The following GTSF1 variants were observed in gnomAD, a reference collection of about 807,000 sequenced individuals.
The protein encoded by GTSF1 is gametocyte-specific factor 1.
Under a neutral mutation model 28.9 loss-of-function variants are expected in GTSF1, and 11 were observed. That is an observed-to-expected ratio of 0.38 (90% confidence interval 0.24 to 0.63). The LOEUF (loss-of-function observed/expected upper bound fraction) is 0.63. GTSF1 is among the 30% of genes least tolerant of loss of function. The probability of loss-of-function intolerance (pLI) is 0.56; values close to 1 mark genes in which losing one functional copy is unlikely to be tolerated. For missense variants in GTSF1, 146 were observed against 201.0 expected (o/e 0.73, Z 1.66); for synonymous variants, 69 against 65.6 (o/e 1.05, Z -0.25).
chr12:54,465,118 G>A lies in GTSF1; in HGVS notation c.66C>T (p.Asn22=). 6.2e-7 allele frequency: 1 copy of A among 1,613,564 alleles called. No individual in the cohort carries two copies. Among genetic ancestry groups the A allele is most frequent in the African/African-American group, 1.3e-5 (1 of 75,020 alleles). Reference sequence around the variant, plus strand: ...GAAACCTGCAAGCCCTGATTTGATGGTTTTTGTCATAGGGGCATTGCAATA... The same window carrying A: ...GAAACCTGCAAGCCCTGATTTGATGATTTTTGTCATAGGGGCATTGCAATA... ...EKLLQCPYDK[N]HQIRACRFPY... is the part of the protein sequence containing the mutation. The change falls in exon 3 of 9, where the codon AAC becomes AAT. Residue 22 remains asparagine, a synonymous_variant. Coordinates refer to ENST00000305879, the MANE Select transcript of GTSF1 (RefSeq NM_144594.3).
intron 3 of GTSF1, 51 bp from the exon 4 acceptor site, chr12:54,463,348 C>A: frequency 1.3e-6 from 2 of 1,591,296 alleles, no homozygotes; most frequent in South Asian, 2.2e-5. Flanking sequence ...CTACTAAAGT[C>A]AACAGGGAGT....
At chr12:54,458,186 C>T (rs1031549112) in intron 8 of GTSF1, among the ~76,000 whole-genome samples, 4 of 152,086 alleles carry the variant, frequency 2.6e-5, no homozygotes, top group South Asian at 4.1e-4. Context: ...TCAGCCAAGA[C>T]GACATTTGAA....
intron 7 of GTSF1, chr12:54,459,494 A>T: frequency 7.9e-7 from 1 of 1,268,368 alleles, no homozygotes; most frequent in Non-Finnish European, 1.0e-6. Flanking sequence ...ATTAAGTAAA[A>T]ATGACAGTAT....
intron 2 of GTSF1, chr12:54,468,677 A>C (rs1237654869): frequency 6.6e-6 from 1 of 152,220 alleles, no homozygotes. Context: ...GAAATAAGGA[A>C]CTAGGCCTGA....
rs190444643 is a variant in GTSF1 at position 54,464,769 on chromosome 12, G to C, written c.117+298C>G. 303 of 183,934 alleles carry C rather than the reference G, an allele frequency of 1.6e-3. 6 individuals are homozygous for C. In the East Asian group the frequency reaches 0.025, roughly 15 times the overall value. 11.4% of individuals were successfully genotyped at this position (183,934 alleles called of 1,614,324 possible). A position where few individuals can be genotyped will look rare whatever the true frequency, so the allele number is the denominator to read the frequency against. On this transcript the variant is annotated intron_variant, in intron 3 of 8. Transcript: ENST00000305879. Reference sequence around the variant, plus strand: ...ATGAATACATCAAATTTAGAAGATAGGCAGGATTTCTCATTGTTAGCCAAA... The same window carrying C: ...ATGAATACATCAAATTTAGAAGATACGCAGGATTTCTCATTGTTAGCCAAA...
At position 54,463,868 on chromosome 12, in the gene GTSF1, T is replaced by C. The variant is rs146528411; in HGVS notation, c.118-571A>G. On this transcript the variant is annotated intron_variant, in intron 3 of 8. Transcript: ENST00000305879. ...TGCCTGAAATGAATCTCTGAACAAT[T>C]TGACCTTCATTTCAGCTATTTCACT... is the stretch of plus-strand genomic sequence containing the variant. 1.1e-3 allele frequency among the ~76,000 whole-genome samples: 166 copies of C among 152,330 alleles called. 1 individual carries two copies. Among genetic ancestry groups the C allele is most frequent in the Non-Finnish European group, 1.8e-3 (121 of 68,018 alleles).
intron 2 of GTSF1, among the ~76,000 whole-genome samples, chr12:54,466,170 T>G (rs543242047): frequency 6.6e-6 from 1 of 152,302 alleles, no homozygotes; most frequent in South Asian, 2.1e-4. Flanking sequence ...CAAGCCTGGT[T>G]AAGGAAGGGA....
chr12:54,471,357 T>TTAG, intron 1 of GTSF1, 80 bp from the exon 2 acceptor site: 1 of 944,330 alleles, frequency 1.1e-6, no homozygotes, highest in Non-Finnish European at 1.6e-6. Context: ...GAGTCACTTC[T>TTAG]GGATTTGAAA....
intron 8 of GTSF1, among the ~76,000 whole-genome samples, chr12:54,457,725 G>A (rs1956357219): frequency 6.6e-6 from 1 of 152,182 alleles, no homozygotes; most frequent in African/African-American, 2.4e-5. Flanking sequence ...CAAGTAGCTG[G>A]GATGATAGGT....
At chr12:54,470,004 G>A (rs1956575059) in intron 2 of GTSF1, among the ~76,000 whole-genome samples, 1 of 152,210 alleles carries the variant, frequency 6.6e-6, no homozygotes, top group East Asian at 1.9e-4. Flanking sequence ...AACCCGGCCG[G>A]TCTCTACTAA....
intron 6 of GTSF1, among the ~76,000 whole-genome samples, chr12:54,461,396 A>G (rs1300376012): frequency 6.6e-6 from 1 of 151,952 alleles, no homozygotes; most frequent in South Asian, 2.1e-4. Flanking sequence ...GAAATCATCT[A>G]GTTTTCAATT....
intron 3 of GTSF1, 155 bp downstream of exon 3, chr12:54,464,912 C>T (rs541915127): frequency 4.0e-6 from 2 of 497,290 alleles, no homozygotes; most frequent in South Asian, 5.6e-5. Flanking sequence ...AAGGAATGAA[C>T]AAATGCCTTT....
At chr12:54,462,036 T>TCCG (rs1354997304) in intron 6 of GTSF1, 73 bp downstream of exon 6, 6 of 1,078,260 alleles carry the variant, frequency 5.6e-6, no homozygotes, top group Non-Finnish European at 8.6e-6. Context: ...CAATTCATGC[T>TCCG]CCGGTGGCTT....
chr12:54,461,993 C>A (rs1956430379), intron 6 of GTSF1, 116 bp downstream of exon 6: 3 of 699,468 alleles, frequency 4.3e-6, no homozygotes, highest in Non-Finnish European at 7.5e-6. Flanking sequence ...CTAGACTAAA[C>A]TACCATCAAG....
intron 2 of GTSF1, among the ~76,000 whole-genome samples, chr12:54,465,509 C>T (rs1177293186): frequency 6.6e-6 from 1 of 152,096 alleles, no homozygotes; most frequent in Non-Finnish European, 1.5e-5. Flanking sequence ...TTCCTATTCT[C>T]TAGCTAGTCT....
At chr12:54,471,868 A>ACC (rs1565662970) in intron 1 of GTSF1, 1 of 97,676 alleles carries the variant, frequency 1.0e-5, no homozygotes, top group African/African-American at 2.9e-5. Flanking sequence ...AAAACAAAAC[A>ACC]ACCCCCCCCC....
rs560074196 is a variant in GTSF1 at position 54,459,204 on chromosome 12, A to G, written c.488-79T>C. ...CATCCCCTATTCTTACTAAACACAAATGACTTATTCCTGTGTATACTGAAT... is the reference window on the plus strand; with the variant it reads ...CATCCCCTATTCTTACTAAACACAAGTGACTTATTCCTGTGTATACTGAAT... On this transcript the variant is annotated intron_variant, in intron 7 of 8. Coordinates refer to ENST00000305879, the MANE Select transcript of GTSF1 (RefSeq NM_144594.3). 1.7e-5 allele frequency: 25 copies of G among 1,494,244 alleles called. No homozygotes were observed. In the South Asian group the frequency reaches 2.9e-4, roughly 17 times the overall value. The allele number at this position is 1,494,244 out of a possible 1,614,324, so 92.6% of individuals were successfully genotyped here.
intron 7 of GTSF1, chr12:54,459,509 G>A (rs1374379876): frequency 8.3e-7 from 1 of 1,200,838 alleles, no homozygotes; most frequent in Non-Finnish European, 1.1e-6. Flanking sequence ...CAGTATCTTG[G>A]GTGTTCTCTA....
At chr12:54,461,961 T>C (rs1592317628) in intron 6 of GTSF1, 148 bp downstream of exon 6, 1 of 595,038 alleles carries the variant, frequency 1.7e-6, no homozygotes, top group East Asian at 2.8e-5. Context: ...GGAATAAATA[T>C]GAAAAAATGC....
Sources: allele counts gnomAD v4.1 joint callset (sites outside exome capture counted in the v4.1 genomes callset), GRCh38; gene constraint gnomAD v4.1.1; transcripts MANE v1.5; gene names NCBI Gene and HGNC (gene_info 2026-07-23, HGNC 2026-07-21).